TMEM117: variants seen among roughly 807,000 people sequenced by gnomAD.
TMEM117 encodes transmembrane protein 117.
In TMEM117, 27 loss-of-function variants were observed where a neutral mutation model predicts 52.4. That is an observed-to-expected ratio of 0.51 (90% CI 0.38 to 0.71). The LOEUF (loss-of-function observed/expected upper bound fraction) is 0.71. Ranked by LOEUF, TMEM117 falls within the 30% of genes least tolerant of loss-of-function variation. TMEM117 has a pLI of 0.00. For synonymous variants in TMEM117, 215 were observed against 206.3 expected, an observed-to-expected ratio of 1.04 and a Z score of -0.36; for missense variants, 556 against 630.5, an observed-to-expected ratio of 0.88 and a Z score of 1.26.
chr12:44,284,977 C>T (rs570464328), intron 5 of TMEM117, among the ~76,000 whole-genome samples: 2 of 152,218 alleles, frequency 1.3e-5, no homozygotes, highest in Non-Finnish European at 2.9e-5. Context: ...CAAGCCACTA[C>T]AATAAATACA....
At chr12:44,239,919 A>G (rs1799916744) in intron 5 of TMEM117, among the ~76,000 whole-genome samples, 1 of 152,142 alleles carries the variant, frequency 6.6e-6, no homozygotes, top group Non-Finnish European at 1.5e-5. Flanking sequence ...TTTTTGATAT[A>G]TACCAAATAA....
intron 3 of TMEM117, among the ~76,000 whole-genome samples, chr12:44,136,506 GAC>G (rs751894884): frequency 1.1e-4 from 16 of 152,146 alleles, no homozygotes; most frequent in African/African-American, 3.6e-4. Flanking sequence ...GACTTTAAAA[GAC>G]ACACAACAAA....
At chr12:44,103,833 A>G (rs931969419) in intron 3 of TMEM117, among the ~76,000 whole-genome samples, 5 of 151,982 alleles carry the variant, frequency 3.3e-5, no homozygotes, top group Non-Finnish European at 5.9e-5. Context: ...TTGACTTTTT[A>G]TCTAGTCTTC....
At chr12:44,331,445 C>T (rs1164108174) in intron 6 of TMEM117, among the ~76,000 whole-genome samples, 1 of 151,902 alleles carries the variant, frequency 6.6e-6, no homozygotes, top group Non-Finnish European at 1.5e-5. Flanking sequence ...ACTGAAAAGC[C>T]CATGATGGTG....
At chr12:44,010,265 T>A (rs73087652) in intron 3 of TMEM117, 19,815 of 457,738 alleles carry the variant, frequency 0.043, 609 homozygotes, top group African/African-American at 0.11. Context: ...TAAGAGCACT[T>A]CAGTAAGCTC....
chr12:44,083,389 G>GTTTT (rs1160025038), intron 3 of TMEM117, among the ~76,000 whole-genome samples: 2 of 80,398 alleles, frequency 2.5e-5, no homozygotes, highest in African/African-American at 5.6e-5. Context: ...GGTATTGTTA[G>GTTTT]TTTTTTTTTT....
At chr12:43,883,586 G>A (rs551530843) in intron 2 of TMEM117, among the ~76,000 whole-genome samples, 47 of 152,264 alleles carry the variant, frequency 3.1e-4, no homozygotes, top group African/African-American at 1.0e-3. Flanking sequence ...AGTTATGAGT[G>A]GTTATAAGGG....
At chr12:44,011,769 A>C (rs1946294490) in intron 3 of TMEM117, among the ~76,000 whole-genome samples, 1 of 152,202 alleles carries the variant, frequency 6.6e-6, no homozygotes, top group South Asian at 2.1e-4. Flanking sequence ...ACTGTAATAA[A>C]AGTTATGTAA....
intron 3 of TMEM117, among the ~76,000 whole-genome samples, chr12:44,029,833 A>C (rs1946605009): frequency 6.6e-6 from 1 of 152,230 alleles, no homozygotes; most frequent in Non-Finnish European, 1.5e-5. Flanking sequence ...CAAACTGGTC[A>C]GTTAAAAACT....
At chr12:43,822,177 G>C in the TMEM117 span, among the ~76,000 whole-genome samples, 3 of 152,182 alleles carry the variant, frequency 2.0e-5, no homozygotes, top group Non-Finnish European at 4.4e-5. Flanking sequence ...ACAAATGTGA[G>C]TTGACTTCAA....
the TMEM117 span, among the ~76,000 whole-genome samples, chr12:43,818,891 T>A: frequency 6.6e-6 from 1 of 152,246 alleles, no homozygotes; most frequent in Non-Finnish European, 1.5e-5. Flanking sequence ...CACTTTTTAT[T>A]TCTTCCTATA....
chr12:44,066,380 C>G (rs1306077857), intron 3 of TMEM117, among the ~76,000 whole-genome samples: 1 of 152,150 alleles, frequency 6.6e-6, no homozygotes, highest in Non-Finnish European at 1.5e-5. Flanking sequence ...TTCCTGTTGA[C>G]TTTGTGAGCC....
At chr12:44,364,520 A>G (rs1305683747) in intron 6 of TMEM117, among the ~76,000 whole-genome samples, 2 of 152,088 alleles carry the variant, frequency 1.3e-5, no homozygotes, top group African/African-American at 2.4e-5. Flanking sequence ...TACATTGACA[A>G]TTCTATTTAA....
intron 2 of TMEM117, among the ~76,000 whole-genome samples, chr12:43,884,883 A>G (rs1405990803): frequency 1.3e-5 from 2 of 152,168 alleles, no homozygotes; most frequent in Non-Finnish European, 2.9e-5. Context: ...AGCTCTCTTC[A>G]GCACACAGCA....
At chr12:43,965,588 G>A (rs775731723) in intron 3 of TMEM117, among the ~76,000 whole-genome samples, 5 of 152,146 alleles carry the variant, frequency 3.3e-5, no homozygotes, top group Admixed American at 6.5e-5. Context: ...GTTTGATATT[G>A]TCCTTAGGCA....
Position 44,375,925 on chromosome 12 carries a change from G to T in TMEM117, c.769-670G>T, listed in dbSNP as rs1390580435. ...TGTTTCCCTTCCTTCAGAGAAGGAG[G>T]GTTGGCCCACCCAGTTTTGCCTTGA... On this transcript the variant is annotated intron_variant, in intron 6 of 7. Coordinates refer to ENST00000266534, the MANE Select transcript of TMEM117 (RefSeq NM_032256.3). Among the ~76,000 whole-genome samples the T allele has an allele frequency of 2.0e-5, 3 of 152,156 alleles. No individual in the cohort carries two copies. In the East Asian group the frequency reaches 5.8e-4, roughly 29 times the overall value.
At chr12:44,171,267 G>A (rs1256325208) in intron 4 of TMEM117, among the ~76,000 whole-genome samples, 4 of 151,936 alleles carry the variant, frequency 2.6e-5, no homozygotes, top group African/African-American at 9.7e-5. Flanking sequence ...CGCCCGCCTC[G>A]GCCTCCCAAA....
At chr12:43,927,340 A>G (rs1420284689) in intron 2 of TMEM117, among the ~76,000 whole-genome samples, 1 of 151,972 alleles carries the variant, frequency 6.6e-6, no homozygotes, top group East Asian at 1.9e-4. Context: ...TTGGAAGAGA[A>G]TATGTGTTCT....
intron 5 of TMEM117, among the ~76,000 whole-genome samples, chr12:44,270,966 TA>T (rs1950438768): frequency 6.6e-6 from 1 of 152,058 alleles, no homozygotes; most frequent in Admixed American, 6.6e-5. Flanking sequence ...AACAATACAT[TA>T]AAAAGATCAC....
Sources: allele counts gnomAD v4.1 joint callset (sites outside exome capture counted in the v4.1 genomes callset), GRCh38; gene constraint gnomAD v4.1.1; transcripts MANE v1.5; gene names NCBI Gene and HGNC (gene_info 2026-07-23, HGNC 2026-07-21).